Variants in TMTC2 observed in about 807,000 individuals in gnomAD.
TMTC2 encodes the protein transmembrane O-mannosyltransferase targeting cadherins 2.
In TMTC2, 43 loss-of-function variants were observed where a neutral mutation model predicts 82.4. The ratio of observed to expected loss-of-function variants is 0.52; its 90% CI spans 0.41 to 0.67. TMTC2 has a LOEUF of 0.67. Among genes scored for constraint, TMTC2 ranks in the 30% least tolerant of loss-of-function variants. The pLI is 0.00. For missense variants in TMTC2, 919 were observed against 1,012.4 expected (o/e 0.91, Z 1.25); for synonymous variants, 408 against 381.9 (o/e 1.07, Z -0.80).
intron 11 of TMTC2, among the ~76,000 whole-genome samples, chr12:83,092,759 C>A (rs1883885220): frequency 6.6e-6 from 1 of 152,132 alleles, no homozygotes; most frequent in Non-Finnish European, 1.5e-5. Flanking sequence ...TATCAGGCAC[C>A]CCTCTAGCAA....
At chr12:82,973,151 TC>T (rs1369888342) in intron 7 of TMTC2, among the ~76,000 whole-genome samples, 4 of 152,144 alleles carry the variant, frequency 2.6e-5, no homozygotes, top group Non-Finnish European at 5.9e-5. Flanking sequence ...ACCACCTGCT[TC>T]CCCTATTTTG....
At chr12:82,692,465 G>T (rs1212455825) in intron 1 of TMTC2, among the ~76,000 whole-genome samples, 2 of 152,180 alleles carry the variant, frequency 1.3e-5, no homozygotes, top group African/African-American at 4.8e-5. Context: ...TGCCTCTGGT[G>T]GTACAACTGT....
chr12:82,939,065 A>G (rs1489686927), intron 4 of TMTC2, among the ~76,000 whole-genome samples: 2 of 152,202 alleles, frequency 1.3e-5, no homozygotes, highest in Non-Finnish European at 2.9e-5. Flanking sequence ...GATCAACAAC[A>G]TTAATGAATG....
chr12:82,908,956 T>C (rs1030792991), intron 3 of TMTC2, among the ~76,000 whole-genome samples: 2 of 152,206 alleles, frequency 1.3e-5, no homozygotes, highest in Non-Finnish European at 2.9e-5. Flanking sequence ...AAATCTCTGC[T>C]ACAATTGTAG....
chr12:83,129,231 T>A (rs995169093), intron 11 of TMTC2, among the ~76,000 whole-genome samples: 1 of 152,194 alleles, frequency 6.6e-6, no homozygotes, highest in Non-Finnish European at 1.5e-5. Context: ...ACATTTTTAG[T>A]TTCCATATTT....
At chr12:82,794,471 C>T (rs1476747745) in intron 1 of TMTC2, among the ~76,000 whole-genome samples, 1 of 152,058 alleles carries the variant, frequency 6.6e-6, no homozygotes, top group Admixed American at 6.6e-5. Context: ...TTTGATTCCA[C>T]AAACAAGTGA....
intron 11 of TMTC2, among the ~76,000 whole-genome samples, chr12:83,118,444 T>C (rs764933181): frequency 6.6e-6 from 1 of 152,124 alleles, no homozygotes; most frequent in Non-Finnish European, 1.5e-5. Context: ...GATTTTTGTT[T>C]TTAATTCTGT....
intron 10 of TMTC2, among the ~76,000 whole-genome samples, chr12:83,058,062 C>A (rs1374288690): frequency 6.6e-6 from 1 of 151,768 alleles, no homozygotes; most frequent in East Asian, 1.9e-4. Flanking sequence ...TTTCTCTTTA[C>A]ATCTTTCTTT....
chr12:82,795,412 A>G (rs1878673751), intron 1 of TMTC2, among the ~76,000 whole-genome samples: 1 of 151,890 alleles, frequency 6.6e-6, no homozygotes, highest in African/African-American at 2.4e-5. Context: ...TCATATGTTG[A>G]TATCATGGTC....
chr12:82,711,027 T>C lies in TMTC2; in HGVS notation c.83+23358T>C, dbSNP rs11115354. On this transcript the variant is annotated intron_variant, in intron 1 of 11. Coordinates refer to ENST00000321196, the MANE Select transcript of TMTC2 (RefSeq NM_152588.3). ...GTTTCCTACATGACATCCAAGTTCA[T>C]GAATCTTTTGAATTCTTTCCATACA... 3.2e-3 allele frequency among the ~76,000 whole-genome samples: 490 copies of C among 152,354 alleles called. 4 individuals carry two copies. Among genetic ancestry groups the C allele is most frequent in the African/African-American group, 0.011 (472 of 41,584 alleles).
chr12:82,814,573 G>A (rs1428751311), intron 1 of TMTC2, among the ~76,000 whole-genome samples: 2 of 152,126 alleles, frequency 1.3e-5, no homozygotes, highest in Non-Finnish European at 2.9e-5. Context: ...TAGTATTCAC[G>A]GAGGATTATA....
chr12:82,810,565 C>T (rs1460902579), intron 1 of TMTC2, among the ~76,000 whole-genome samples: 3 of 151,968 alleles, frequency 2.0e-5, no homozygotes, highest in Non-Finnish European at 2.9e-5. Flanking sequence ...TTTGTATTTT[C>T]CAGCAAGGTT....
chr12:82,853,599 T>C (rs1374864657), intron 1 of TMTC2, among the ~76,000 whole-genome samples: 10 of 152,210 alleles, frequency 6.6e-5, no homozygotes, highest in Admixed American at 3.3e-4. Flanking sequence ...CAAAAGCCTT[T>C]ACATAGTTGG....
intron 4 of TMTC2, among the ~76,000 whole-genome samples, chr12:82,953,198 A>G (rs1877439802): frequency 6.6e-6 from 1 of 152,190 alleles, no homozygotes; most frequent in African/African-American, 2.4e-5. Flanking sequence ...TCCTAAAGCA[A>G]TGCAGGATTC....
chr12:83,119,549 G>T (rs992745344), intron 11 of TMTC2, among the ~76,000 whole-genome samples: 33 of 152,080 alleles, frequency 2.2e-4, no homozygotes, highest in Admixed American at 1.1e-3. Context: ...ATTCAGGCTC[G>T]TTTTGTGGGC....
intron 10 of TMTC2, among the ~76,000 whole-genome samples, chr12:83,055,730 G>C (rs568790360): frequency 6.6e-6 from 1 of 151,006 alleles, no homozygotes; most frequent in East Asian, 1.9e-4. Flanking sequence ...GTGTGTGTGT[G>C]TGTATGTGTG....
chr12:83,050,449 A>C (rs965269811), intron 9 of TMTC2, among the ~76,000 whole-genome samples: 1 of 152,164 alleles, frequency 6.6e-6, no homozygotes, highest in Non-Finnish European at 1.5e-5. Flanking sequence ...TTATTCCATA[A>C]TTATTATTAA....
At chr12:82,893,875 A>T (rs566979999) in intron 2 of TMTC2, among the ~76,000 whole-genome samples, 31 of 152,320 alleles carry the variant, frequency 2.0e-4, no homozygotes, top group Admixed American at 1.8e-3. Context: ...GTTAAGAAGG[A>T]CAGGGTCACC....
intron 4 of TMTC2, among the ~76,000 whole-genome samples, chr12:82,959,999 C>CA (rs201608980): frequency 9.9e-5 from 15 of 150,874 alleles, no homozygotes; most frequent in East Asian, 3.9e-4. Flanking sequence ...CCATTAAAAA[C>CA]AAAAAAAAGA....
Sources: gnomAD v4.1 joint callset for allele counts (sites outside exome capture counted in the v4.1 genomes callset) on GRCh38, gnomAD v4.1.1 for gene constraint, MANE v1.5 for transcripts, NCBI Gene and HGNC (gene_info 2026-07-23, HGNC 2026-07-21) for gene names.